ZDHHC2: variants seen among roughly 807,000 people sequenced by gnomAD.
ZDHHC2 encodes palmitoyltransferase ZDHHC2.
A neutral mutation model predicts 55.6 loss-of-function variants in ZDHHC2; 51 were observed. That is an observed-to-expected ratio of 0.92 (90% CI 0.73 to 1.16). The LOEUF (loss-of-function observed/expected upper bound fraction) is 1.16. Ranked by LOEUF, ZDHHC2 falls within the 50% of genes most tolerant of loss-of-function variation. The probability of loss-of-function intolerance (pLI) is 0.00; values close to 1 mark genes in which losing one functional copy is unlikely to be tolerated. For missense variants in ZDHHC2, 491 were observed against 442.4 expected (o/e 1.11, Z -0.99); for synonymous variants, 199 against 152.9 (o/e 1.30, Z -2.22).
At chr8:17,182,231 A>G (rs1048317196) in intron 1 of ZDHHC2, among the ~76,000 whole-genome samples, 8 of 152,218 alleles carry the variant, frequency 5.3e-5, no homozygotes, top group African/African-American at 1.7e-4. Flanking sequence ...TGCAATATAT[A>G]TATAACAGAT....
chr8:17,197,689 G>A (rs1307308827), intron 5 of ZDHHC2, 38 bp downstream of exon 5: 13 of 1,567,410 alleles, frequency 8.3e-6, no homozygotes, highest in Non-Finnish European at 1.0e-5. Flanking sequence ...TCTACATGCT[G>A]GTGGTCTTTT....
At chr8:17,191,235 C>G (rs143541803) in intron 3 of ZDHHC2, among the ~76,000 whole-genome samples, 6 of 151,974 alleles carry the variant, frequency 3.9e-5, no homozygotes, top group Non-Finnish European at 7.4e-5. Context: ...GCTGGGATTA[C>G]AGGCATGAGC....
chr8:17,190,418 A>G (rs949769113), intron 3 of ZDHHC2, among the ~76,000 whole-genome samples: 3 of 152,200 alleles, frequency 2.0e-5, no homozygotes, highest in African/African-American at 7.2e-5. Flanking sequence ...ACCTTAGAAT[A>G]TTCCCTTTAT....
chr8:17,159,609 A>G (rs1354708206), intron 1 of ZDHHC2, among the ~76,000 whole-genome samples: 1 of 152,224 alleles, frequency 6.6e-6, no homozygotes, highest in Non-Finnish European at 1.5e-5. Context: ...TTTTTCAGTT[A>G]GCATAATTTT....
chr8:17,208,615 A>G (rs1807220220), intron 8 of ZDHHC2, among the ~76,000 whole-genome samples: 1 of 152,146 alleles, frequency 6.6e-6, no homozygotes, highest in Non-Finnish European at 1.5e-5. Flanking sequence ...ATAATATGCA[A>G]TGAGGATTAA....
chr8:17,199,582 C>CT (rs766829785), intron 6 of ZDHHC2, among the ~76,000 whole-genome samples: 14,035 of 67,964 alleles, frequency 0.21, 2,077 homozygotes, highest in Admixed American at 0.3. Context: ...TTGTCTTCTT[C>CT]TTCTTCTTTC....
chr8:17,170,582 C>T (rs730243), intron 1 of ZDHHC2, among the ~76,000 whole-genome samples: 4 of 152,040 alleles, frequency 2.6e-5, no homozygotes, highest in African/African-American at 7.2e-5. Context: ...GCTAACCCTG[C>T]TAGATGGTTT....
intron 11 of ZDHHC2, among the ~76,000 whole-genome samples, chr8:17,216,163 A>T (rs553581518): frequency 6.6e-6 from 1 of 152,194 alleles, no homozygotes; most frequent in Non-Finnish European, 1.5e-5. Flanking sequence ...ATTGACTACT[A>T]ACCTTTTCTC....
intron 6 of ZDHHC2, among the ~76,000 whole-genome samples, chr8:17,200,075 T>C (rs972949293): frequency 6.6e-6 from 1 of 152,106 alleles, no homozygotes; most frequent in African/African-American, 2.4e-5. Context: ...TAATTCTCCT[T>C]ACATTCATTT....
intron 3 of ZDHHC2, among the ~76,000 whole-genome samples, chr8:17,191,525 T>C (rs1806029259): frequency 6.6e-6 from 1 of 152,234 alleles, no homozygotes; most frequent in Non-Finnish European, 1.5e-5. Context: ...AGTTTAGTTG[T>C]TTTAATTTTT....
chr8:17,199,588 C>CTTCTTTATTCTTT lies in ZDHHC2; in HGVS notation c.476+1177_476+1178insCTTTATTCTTTTT, dbSNP rs1806598272. 8.8e-5 allele frequency among the ~76,000 whole-genome samples: 3 copies of CTTCTTTATTCTTT among 34,232 alleles called. No individual in the cohort carries two copies. In the East Asian group the frequency reaches 2.4e-3, roughly 27 times the overall value. 22.5% of individuals were successfully genotyped at this position (34,232 alleles called of 152,430 possible). ...TCTTCGTCTTTGTCTTCTTCTTCTT[C>CTTCTTTATTCTTT]TTTCTTCTTCTTTATTCTTTCTTCT... On this transcript the variant is annotated intron_variant, in intron 6 of 12. Coordinates refer to ENST00000262096, the MANE Select transcript of ZDHHC2 (RefSeq NM_016353.5).
intron 1 of ZDHHC2, among the ~76,000 whole-genome samples, chr8:17,184,130 T>A (rs2517084): frequency 0.99 from 150,840 of 152,322 alleles, 74,712 homozygotes; most frequent in Middle Eastern, 1. Context: ...AAGGCGTACA[T>A]ATGTCTTGAT....
intron 3 of ZDHHC2, among the ~76,000 whole-genome samples, chr8:17,190,648 G>GA (rs1347512685): frequency 2.0e-5 from 3 of 151,836 alleles, no homozygotes; most frequent in Non-Finnish European, 4.4e-5. Flanking sequence ...TAGGCAAAAA[G>GA]AAAAAAGAGA....
intron 10 of ZDHHC2, among the ~76,000 whole-genome samples, chr8:17,213,397 G>A (rs367673368): frequency 6.6e-6 from 1 of 151,954 alleles, no homozygotes. Context: ...GGAATTACAT[G>A]TACACCACAA....
rs540941425 is a variant in ZDHHC2, at chr8:17,189,788, G to A, written c.252+3363G>A. ...AAATCGATGACAGTGACATTATAAC[G>A]GTATCAGGCTTCATTGTGTGATTTT... On this transcript the variant is annotated intron_variant, in intron 3 of 12. Coordinates refer to ENST00000262096, the MANE Select transcript of ZDHHC2 (RefSeq NM_016353.5). 7.2e-5 allele frequency among the ~76,000 whole-genome samples: 11 copies of A among 152,278 alleles called. No homozygotes were observed. In the South Asian group the frequency reaches 1.7e-3, roughly 23 times the overall value.
At chr8:17,159,776 C>A (rs1804243521) in intron 1 of ZDHHC2, among the ~76,000 whole-genome samples, 1 of 152,162 alleles carries the variant, frequency 6.6e-6, no homozygotes, top group Non-Finnish European at 1.5e-5. Context: ...GACAGTTATA[C>A]TTCTAATCAT....
At chr8:17,214,038 A>G (rs1045038629) in intron 10 of ZDHHC2, among the ~76,000 whole-genome samples, 13 of 152,218 alleles carry the variant, frequency 8.5e-5, no homozygotes, top group African/African-American at 2.9e-4. Context: ...AATAGTTACT[A>G]TATATAATTG....
intron 6 of ZDHHC2, among the ~76,000 whole-genome samples, chr8:17,200,234 G>T (rs1349805343): frequency 9.9e-5 from 15 of 152,220 alleles, no homozygotes; most frequent in Admixed American, 8.5e-4. Context: ...GCCTGAGGGG[G>T]TCTCTTCTAC....
chr8:17,183,874 T>C (rs913440749), intron 1 of ZDHHC2, among the ~76,000 whole-genome samples: 4 of 152,092 alleles, frequency 2.6e-5, no homozygotes, highest in African/African-American at 4.8e-5. Context: ...TTGGTAGCTC[T>C]CTTGGGCAGG....
Sources: allele counts gnomAD v4.1 joint callset (sites outside exome capture counted in the v4.1 genomes callset), GRCh38; gene constraint gnomAD v4.1.1; transcripts MANE v1.5; gene names NCBI Gene and HGNC (gene_info 2026-07-23, HGNC 2026-07-21).